Variants in ITGB3BP observed in about 807,000 individuals in gnomAD.
ITGB3BP encodes the protein centromere protein R.
Under a neutral mutation model 29.1 loss-of-function variants are expected in ITGB3BP, and 27 were observed. The ratio of observed to expected loss-of-function variants is 0.93; its 90% CI spans 0.68 to 1.28. The LOEUF (loss-of-function observed/expected upper bound fraction) is 1.28, where lower values mean the gene tolerates loss of function less well. Ranked by LOEUF, ITGB3BP falls within the 50% of genes most tolerant of loss-of-function variation. The probability of loss-of-function intolerance (pLI) is 0.00; values close to 1 mark genes in which losing one functional copy is unlikely to be tolerated. For synonymous variants in ITGB3BP, 61 were observed against 61.4 expected (o/e 0.99, Z 0.03); for missense variants, 192 against 200.2 (o/e 0.96, Z 0.25).
upstream of ITGB3BP, among the ~76,000 whole-genome samples, chr1:63,525,355 A>G (rs931837614): frequency 1.3e-5 from 2 of 152,156 alleles, no homozygotes; most frequent in Non-Finnish European, 1.5e-5. Flanking sequence ...CCAAAGGCTT[A>G]TTCTTGTTTA....
At chr1:63,519,855 A>C (rs777479439) in intron 1 of ITGB3BP, among the ~76,000 whole-genome samples, 1 of 152,138 alleles carries the variant, frequency 6.6e-6, no homozygotes, top group African/African-American at 2.4e-5. Context: ...AGCACATTTT[A>C]AAGTTCTCTC....
At chr1:63,510,104 C>T (rs749129170) in intron 1 of ITGB3BP, 159 of 631,700 alleles carry the variant, frequency 2.5e-4, no homozygotes, top group Admixed American at 5.5e-4. Flanking sequence ...GCAGGAGAAT[C>T]GCTTGAACGC....
intron 2 of ITGB3BP, among the ~76,000 whole-genome samples, chr1:63,497,642 G>T (rs1221894842): frequency 6.6e-6 from 1 of 152,162 alleles, no homozygotes; most frequent in Non-Finnish European, 1.5e-5. Context: ...TGTCAAAGTG[G>T]CCACAAGACA....
intron 8 of ITGB3BP, among the ~76,000 whole-genome samples, chr1:63,443,906 G>T (rs959142795): frequency 8.5e-5 from 13 of 152,248 alleles, no homozygotes; most frequent in African/African-American, 2.9e-4. Context: ...TGGCAGCTGA[G>T]ATTGTGGGTT....
chr1:63,504,140 C>A (rs1250262139), intron 2 of ITGB3BP, among the ~76,000 whole-genome samples: 1 of 151,834 alleles, frequency 6.6e-6, no homozygotes, highest in Non-Finnish European at 1.5e-5. Flanking sequence ...TCTTCCTACC[C>A]ATGAGCATGG....
At chr1:63,525,796 G>A (rs766554580), upstream of ITGB3BP, 4 of 1,403,258 alleles carry the variant, frequency 2.9e-6, no homozygotes, top group South Asian at 2.8e-5. Context: ...TCACCTTTTT[G>A]TTGAAAGTTA....
intron 2 of ITGB3BP, among the ~76,000 whole-genome samples, chr1:63,503,838 T>C (rs1345925120): frequency 1.3e-5 from 2 of 152,210 alleles, no homozygotes; most frequent in Non-Finnish European, 2.9e-5. Context: ...TGCAGCATTA[T>C]TTCTGAGGGC....
chr1:63,484,348 C>T (rs907903375), intron 3 of ITGB3BP, among the ~76,000 whole-genome samples: 14 of 151,884 alleles, frequency 9.2e-5, no homozygotes, highest in Non-Finnish European at 2.1e-4. Context: ...ATCCAGTAAC[C>T]AATCCCCCAG....
In ITGB3BP at chr1:63,491,472, G is replaced by A. The variant is rs192271870; in HGVS notation, c.49-1254C>T. Among the ~76,000 whole-genome samples, 5 of 152,252 alleles carry A rather than the reference G, an allele frequency of 3.3e-5. No individual in the cohort carries two copies. In the East Asian group the frequency reaches 9.7e-4, roughly 29 times the overall value. ...AGAGGTGGAACAGACAGCATAGGAT[G>A]GATCTGGGGGATATAGGAAAGGTCT... is the stretch of plus-strand genomic sequence containing the variant. On this transcript the variant is annotated intron_variant, in intron 2 of 8. Coordinates refer to ENST00000271002, the MANE Select transcript of ITGB3BP (RefSeq NM_014288.5).
chr1:63,516,629 G>A (rs1224196571), intron 1 of ITGB3BP, among the ~76,000 whole-genome samples: 1 of 149,460 alleles, frequency 6.7e-6, no homozygotes, highest in Non-Finnish European at 1.5e-5. Flanking sequence ...AGGATCACTT[G>A]AGCCCAGGAG....
intron 1 of ITGB3BP, among the ~76,000 whole-genome samples, chr1:63,512,420 T>A (rs1355366144): frequency 6.6e-6 from 1 of 152,054 alleles, no homozygotes; most frequent in Admixed American, 6.5e-5. Context: ...AAAAACCCTA[T>A]CATTTGATTC....
chr1:63,500,449 T>A (rs1217370518), intron 2 of ITGB3BP, among the ~76,000 whole-genome samples: 6 of 152,162 alleles, frequency 3.9e-5, no homozygotes, highest in African/African-American at 1.4e-4. Context: ...GCAGGATATA[T>A]GATCCATATG....
chr1:63,497,323 CA>C (rs1249757009), intron 2 of ITGB3BP, among the ~76,000 whole-genome samples: 1 of 151,976 alleles, frequency 6.6e-6, no homozygotes, highest in East Asian at 1.9e-4. Flanking sequence ...TAAAATAAAA[CA>C]AAAAATCCTT....
chr1:63,444,270 A>C (rs1644762049), intron 8 of ITGB3BP, among the ~76,000 whole-genome samples: 1 of 152,068 alleles, frequency 6.6e-6, no homozygotes, highest in Non-Finnish European at 1.5e-5. Context: ...AGAGATTATC[A>C]AACACTAAAT....
chr1:63,469,073 A>G (rs540940921), intron 4 of ITGB3BP, among the ~76,000 whole-genome samples: 405 of 151,224 alleles, frequency 2.7e-3, no homozygotes, highest in African/African-American at 9.5e-3. Context: ...TCTGCCCAAC[A>G]TAAAGCTTTG....
chr1:63,502,673 C>T (rs1645965644), intron 2 of ITGB3BP, among the ~76,000 whole-genome samples: 1 of 125,270 alleles, frequency 8.0e-6, no homozygotes, highest in African/African-American at 2.9e-5. Flanking sequence ...CCTCCCCCCA[C>T]CCCACAACAG....
intron 4 of ITGB3BP, among the ~76,000 whole-genome samples, chr1:63,473,361 C>A (rs1195172962): frequency 6.7e-6 from 1 of 149,964 alleles, no homozygotes; most frequent in South Asian, 2.1e-4. Context: ...GGTCAGCCCC[C>A]CGCCCGGCCA....
intron 2 of ITGB3BP, among the ~76,000 whole-genome samples, chr1:63,504,520 T>A (rs528789391): frequency 6.6e-6 from 1 of 152,144 alleles, no homozygotes; most frequent in Non-Finnish European, 1.5e-5. Context: ...TCCTGCCTGA[T>A]TGCCCTGGCC....
intron 2 of ITGB3BP, among the ~76,000 whole-genome samples, chr1:63,497,314 A>G (rs1428610587): frequency 6.6e-6 from 1 of 151,588 alleles, no homozygotes; most frequent in Non-Finnish European, 1.5e-5. Context: ...CTAAAAAAAT[A>G]AAATAAAACA....
Sources: allele counts gnomAD v4.1 joint callset (sites outside exome capture counted in the v4.1 genomes callset), GRCh38; gene constraint gnomAD v4.1.1; transcripts MANE v1.5; gene names NCBI Gene and HGNC (gene_info 2026-07-23, HGNC 2026-07-21).